SGCZ: variants seen among roughly 807,000 people sequenced by gnomAD.
SGCZ encodes zeta-sarcoglycan.
In SGCZ, 40 loss-of-function variants were observed where a neutral mutation model predicts 41.3. The ratio of observed to expected loss-of-function variants is 0.97; its 90% CI spans 0.75 to 1.26. SGCZ has a LOEUF of 1.26. SGCZ is among the 50% of genes most tolerant of loss of function. The pLI, the probability that SGCZ is intolerant of heterozygous loss-of-function variation, is 0.00. For synonymous variants in SGCZ, 206 were observed against 137.5 expected (o/e 1.50, Z -3.49); for missense variants, 552 against 369.8 (o/e 1.49, Z -4.04).
chr8:14,133,981 A>G (rs985710994), intron 5 of SGCZ, among the ~76,000 whole-genome samples: 2 of 152,126 alleles, frequency 1.3e-5, no homozygotes, highest in Non-Finnish European at 2.9e-5. Context: ...TTTACTTCCT[A>G]TTTCAAATTG....
At chr8:14,184,913 C>G (rs1039837298) in intron 4 of SGCZ, among the ~76,000 whole-genome samples, 8 of 152,096 alleles carry the variant, frequency 5.3e-5, no homozygotes, top group Non-Finnish European at 1.0e-4. Context: ...TATAGCACCA[C>G]AACACTTATG....
At chr8:14,737,016 T>C (rs571579509) in intron 1 of SGCZ, among the ~76,000 whole-genome samples, 108 of 150,966 alleles carry the variant, frequency 7.2e-4, no homozygotes, top group African/African-American at 2.5e-3. Flanking sequence ...AACTCTGGTA[T>C]ATAGATATAT....
At chr8:14,416,929 G>A (rs576888380) in intron 2 of SGCZ, among the ~76,000 whole-genome samples, 1 of 151,870 alleles carries the variant, frequency 6.6e-6, no homozygotes, top group African/African-American at 2.4e-5. Flanking sequence ...GAGCATATGT[G>A]TGACAGTTTT....
intron 2 of SGCZ, among the ~76,000 whole-genome samples, chr8:14,426,929 TTTATTA>T (rs1445008039): frequency 1.3e-5 from 2 of 152,178 alleles, no homozygotes; most frequent in South Asian, 2.1e-4. Flanking sequence ...ATTGTTATTA[TTTATTA>T]TTATTATTTT....
At chr8:14,853,311 G>A (rs936078880) in intron 1 of SGCZ, 4 of 274,662 alleles carry the variant, frequency 1.5e-5, no homozygotes, top group Non-Finnish European at 3.3e-5. Flanking sequence ...TCCAAACACA[G>A]GTTAAACATG....
At chr8:14,790,987 C>T (rs1800931779) in intron 1 of SGCZ, among the ~76,000 whole-genome samples, 2 of 149,646 alleles carry the variant, frequency 1.3e-5, no homozygotes, top group African/African-American at 4.9e-5. Context: ...GCCAAGATCA[C>T]ACCACTGTCC....
intron 1 of SGCZ, among the ~76,000 whole-genome samples, chr8:14,761,357 T>A (rs1799866215): frequency 6.6e-6 from 1 of 151,870 alleles, no homozygotes; most frequent in African/African-American, 2.4e-5. Context: ...GATACTACAA[T>A]ATTTACTAAA....
At chr8:14,307,405 A>C (rs1446453181) in intron 3 of SGCZ, among the ~76,000 whole-genome samples, 1 of 152,144 alleles carries the variant, frequency 6.6e-6, no homozygotes, top group African/African-American at 2.4e-5. Context: ...TAAATGCATA[A>C]TTCCTTTCCC....
intron 2 of SGCZ, among the ~76,000 whole-genome samples, chr8:14,551,081 C>T (rs1449558657): frequency 6.6e-6 from 1 of 150,862 alleles, no homozygotes; most frequent in East Asian, 2.0e-4. Context: ...TTTGCTCTCC[C>T]CATTTGCTTA....
intron 1 of SGCZ, among the ~76,000 whole-genome samples, chr8:14,765,783 C>T (rs746600258): frequency 9.9e-5 from 15 of 152,054 alleles, no homozygotes; most frequent in Non-Finnish European, 2.1e-4. Flanking sequence ...AATGCGTGTG[C>T]GCAGACACAG....
At chr8:14,330,855 A>C (rs961685246) in intron 2 of SGCZ, among the ~76,000 whole-genome samples, 1 of 152,012 alleles carries the variant, frequency 6.6e-6, no homozygotes, top group African/African-American at 2.4e-5. Context: ...AAAATAGAGA[A>C]AATCTGATGA....
intron 4 of SGCZ, among the ~76,000 whole-genome samples, chr8:14,207,136 A>T (rs1416435019): frequency 7.5e-5 from 1 of 13,420 alleles, no homozygotes; most frequent in Admixed American, 8.4e-4. Context: ...GAAAGGGTAG[A>T]GGGTGATGGT....
At chr8:15,098,880 G>A (rs1008801404) in intron 1 of SGCZ, among the ~76,000 whole-genome samples, 9 of 152,142 alleles carry the variant, frequency 5.9e-5, no homozygotes, top group African/African-American at 7.2e-5. Context: ...CCAACATGGC[G>A]AAATCCTGTC....
chr8:14,598,923 T>C (rs550872348), intron 1 of SGCZ, among the ~76,000 whole-genome samples: 1 of 152,150 alleles, frequency 6.6e-6, no homozygotes, highest in African/African-American at 2.4e-5. Flanking sequence ...TAGATTTTAG[T>C]ATTAACCTTG....
At chr8:14,343,641 G>T (rs986162998) in intron 2 of SGCZ, among the ~76,000 whole-genome samples, 3 of 152,144 alleles carry the variant, frequency 2.0e-5, no homozygotes, top group African/African-American at 7.2e-5. Context: ...AGTAAATATT[G>T]CAGTGTTCAT....
intron 1 of SGCZ, among the ~76,000 whole-genome samples, chr8:14,683,518 T>C (rs1006248878): frequency 2.0e-5 from 3 of 152,124 alleles, no homozygotes; most frequent in African/African-American, 7.2e-5. Flanking sequence ...AAACACACAA[T>C]GTAAATAACT....
intron 1 of SGCZ, among the ~76,000 whole-genome samples, chr8:15,111,569 C>A (rs1323506754): frequency 1.3e-5 from 2 of 152,104 alleles, no homozygotes; most frequent in Non-Finnish European, 2.9e-5. Flanking sequence ...TCACTCAGGG[C>A]CGCTCCCACC....
intron 1 of SGCZ, among the ~76,000 whole-genome samples, chr8:15,194,678 T>A (rs1234625254): frequency 1.3e-5 from 2 of 152,238 alleles, no homozygotes; most frequent in Admixed American, 6.5e-5. Context: ...ATCTGAAGGT[T>A]CTACACTGTG....
chr8:14,686,747 G>T (rs925650807), intron 1 of SGCZ, among the ~76,000 whole-genome samples: 1 of 152,040 alleles, frequency 6.6e-6, no homozygotes, highest in Admixed American at 6.6e-5. Flanking sequence ...ATATTTTAAT[G>T]CATGGTTTTG....
Sources: gnomAD v4.1 joint callset for allele counts (sites outside exome capture counted in the v4.1 genomes callset) on GRCh38, gnomAD v4.1.1 for gene constraint, MANE v1.5 for transcripts, NCBI Gene and HGNC (gene_info 2026-07-23, HGNC 2026-07-21) for gene names.